Variants in ANO4 observed in about 807,000 individuals in gnomAD.
ANO4 encodes anoctamin-4.
ANO4 carries 69 observed loss-of-function variants against 141.9 expected under a neutral mutation model. That is an observed-to-expected ratio of 0.49 (90% CI 0.40 to 0.59). ANO4 has a LOEUF of 0.59. Among genes scored for constraint, ANO4 ranks in the 20% least tolerant of loss-of-function variants. The probability of loss-of-function intolerance (pLI) is 0.00; values close to 1 mark genes in which losing one functional copy is unlikely to be tolerated. For synonymous variants in ANO4, 350 were observed against 394.3 expected, an observed-to-expected ratio of 0.89 and a Z score of 1.33; for missense variants, 894 against 1,162.2, an observed-to-expected ratio of 0.77 and a Z score of 3.36.
intron 1 of ANO4, among the ~76,000 whole-genome samples, chr12:100,852,161 C>A (rs542713116): frequency 5.1e-4 from 78 of 152,308 alleles, no homozygotes; most frequent in African/African-American, 1.8e-3. Flanking sequence ...TGTCCAGGCA[C>A]AGGGATCCTA....
At chr12:100,748,668 A>G (rs576521273) in intron 3 of ANO4, among the ~76,000 whole-genome samples, 8 of 152,340 alleles carry the variant, frequency 5.3e-5, no homozygotes, top group African/African-American at 1.7e-4. Context: ...AAGTAAAGTG[A>G]TGATTGGCAT....
chr12:100,963,167 T>A (rs750893327), intron 5 of ANO4, among the ~76,000 whole-genome samples: 34 of 152,134 alleles, frequency 2.2e-4, no homozygotes, highest in Non-Finnish European at 3.1e-4. Context: ...CAATGACCAC[T>A]GGCTACACTG....
chr12:100,880,453 G>A (rs904315997), intron 1 of ANO4, among the ~76,000 whole-genome samples: 8 of 152,140 alleles, frequency 5.3e-5, no homozygotes, highest in Non-Finnish European at 8.8e-5. Flanking sequence ...CAAGGTCACC[G>A]AGCAAGTCCA....
intron 2 of ANO4, among the ~76,000 whole-genome samples, chr12:100,739,045 A>ATATATATATCTAAATCTT (rs1278089378): frequency 6.8e-6 from 1 of 146,904 alleles, no homozygotes. Flanking sequence ...CTAAATCTTT[A>ATATATATATCTAAATCTT]TATATATATC....
chr12:101,047,580 A>G (rs1030458886), intron 13 of ANO4, among the ~76,000 whole-genome samples: 8 of 152,170 alleles, frequency 5.3e-5, no homozygotes, highest in Non-Finnish European at 7.4e-5. Flanking sequence ...AGTACCCCCA[A>G]AAAAGGTTAT....
chr12:101,084,702 C>T (rs1257144895), intron 16 of ANO4, among the ~76,000 whole-genome samples: 1 of 152,206 alleles, frequency 6.6e-6, no homozygotes, highest in African/African-American at 2.4e-5. Flanking sequence ...TCTACAGATA[C>T]TGCTTTTAAG....
Position 101,063,745 on chromosome 12 carries a change from C to CTTTTTTT in ANO4, c.1312+15371_1312+15377dup. Among the ~76,000 whole-genome samples the CTTTTTTT allele has an allele frequency of 5.8e-3, 143 of 24,808 alleles. 26 individuals are homozygous for CTTTTTTT. Among genetic ancestry groups the CTTTTTTT allele is most frequent in the African/African-American group, 0.011 (62 of 5,638 alleles). 16.3% of individuals were successfully genotyped at this position (24,808 alleles called of 152,430 possible). On this transcript the variant is annotated intron_variant, in intron 14 of 27. Coordinates refer to ENST00000392977, the MANE Select transcript of ANO4 (RefSeq NM_001286615.2). ...ATGGATGGAAGGTTGTCCAGGTTAT[C>CTTTTTTT]TTTTTTTTTTTTTTTTTTTTTTTTT...
chr12:100,939,391 T>A lies in ANO4; in HGVS notation c.237T>A (p.Leu79=). Residue 79 remains leucine, a synonymous_variant, in exon 4 of 28, where the codon CTT becomes CTA. Transcript: ENST00000392977. ...CTTGCAAAGATGACGATTCTCTTCT[T>A]CACCCTGGAAACCTGACTAGTACTT... ...SSPCKDDDSL[L]HPGNLTSTSD... 1 of 1,613,822 alleles carries A rather than the reference T, an allele frequency of 6.2e-7. No individual in the cohort carries two copies. Among genetic ancestry groups the A allele is most frequent in the South Asian group, 1.1e-5 (1 of 91,060 alleles).
At position 101,014,249 on chromosome 12, in the gene ANO4, A is replaced by G. The variant is rs562475334; in HGVS notation, c.735-5785A>G. On this transcript the variant is annotated intron_variant, in intron 8 of 27. Transcript: ENST00000392977. ...GGACAGTTGGCCACAGGAAGAACCT[A>G]TCAATCAGAGCAAATAAACTCCAGG... Among the ~76,000 whole-genome samples the G allele has an allele frequency of 3.3e-5, 5 of 152,298 alleles. No individual in the cohort carries two copies. The East Asian group carries it at 9.6e-4, about 29-fold the overall frequency.
At chr12:100,796,018 G>A (rs1404353776) in intron 1 of ANO4, among the ~76,000 whole-genome samples, 1 of 147,656 alleles carries the variant, frequency 6.8e-6, no homozygotes, top group African/African-American at 2.5e-5. Context: ...TGCGTTGCAG[G>A]AGTCTCTCTT....
At chr12:100,993,844 T>A (rs780427224) in intron 8 of ANO4, among the ~76,000 whole-genome samples, 8 of 152,182 alleles carry the variant, frequency 5.3e-5, no homozygotes, top group Non-Finnish European at 1.2e-4. Flanking sequence ...AGAAGCAGAT[T>A]TGCCGAATAA....
rs1466553078 is a variant in ANO4 at position 101,115,728 on chromosome 12, A to G, written c.2451-951A>G. ...TTCTAAGAGTGCTACTTGCTATGAT[A>G]CTTTTAAAATGGGCTTTTTCTTGAA... On this transcript the variant is annotated intron_variant, in intron 24 of 27. Coordinates refer to ENST00000392977, the MANE Select transcript of ANO4 (RefSeq NM_001286615.2). Among the ~76,000 whole-genome samples the G allele has an allele frequency of 2.0e-5, 3 of 152,200 alleles. No individual in the cohort carries two copies. The East Asian group carries it at 5.8e-4, about 29-fold the overall frequency.
At chr12:101,120,103 G>A (rs904998299) in intron 25 of ANO4, among the ~76,000 whole-genome samples, 1 of 152,232 alleles carries the variant, frequency 6.6e-6, no homozygotes, top group African/African-American at 2.4e-5. Flanking sequence ...GCAGGATGCT[G>A]CCTCTCTGCT....
At chr12:100,981,842 A>G (rs1399317311) in intron 7 of ANO4, among the ~76,000 whole-genome samples, 6 of 152,130 alleles carry the variant, frequency 3.9e-5, no homozygotes, top group Admixed American at 3.9e-4. Context: ...TCCTTTGCAC[A>G]TATGTGGCCT....
At chr12:100,938,171 C>T (rs2042362332) in intron 3 of ANO4, among the ~76,000 whole-genome samples, 1 of 152,326 alleles carries the variant, frequency 6.6e-6, no homozygotes, top group Non-Finnish European at 1.5e-5. Flanking sequence ...TTGGATATAG[C>T]TTTATACCTG....
Position 100,939,408 on chromosome 12 carries a change from C to G in ANO4, c.254C>G (p.Thr85Ser). ...DDSLLHPGNL[T>S]STSDDASRLE... ...TCTCTTCTTCACCCTGGAAACCTGA[C>G]TAGTACTTCAGATGATGCCAGCAGA... is the stretch of plus-strand genomic sequence containing the variant. Residue 85 changes from threonine to serine, a missense_variant, in exon 4 of 28, where the codon ACT becomes AGT. By Grantham distance (58) the Thr-to-Ser change is moderately conservative. Coordinates refer to ENST00000392977, the MANE Select transcript of ANO4 (RefSeq NM_001286615.2). The G allele has an allele frequency of 6.2e-7, 1 of 1,613,712 alleles. No homozygotes were observed. The highest frequency in any genetic ancestry group is 8.5e-7 in the Non-Finnish European group (1 of 1,179,718).
chr12:100,821,401 A>G (rs974033448), intron 1 of ANO4, among the ~76,000 whole-genome samples: 1 of 152,022 alleles, frequency 6.6e-6, no homozygotes, highest in African/African-American at 2.4e-5. Flanking sequence ...TTCTTAAACT[A>G]TAAAAGCAAT....
At chr12:100,758,591 T>C (rs1488352496) in intron 3 of ANO4, among the ~76,000 whole-genome samples, 1 of 152,174 alleles carries the variant, frequency 6.6e-6, no homozygotes, top group African/African-American at 2.4e-5. Flanking sequence ...CTCTAAAGAA[T>C]TGACAGTGTG....
At chr12:100,988,836 A>G (rs190971151) in intron 8 of ANO4, among the ~76,000 whole-genome samples, 21 of 134,878 alleles carry the variant, frequency 1.6e-4, no homozygotes, top group African/African-American at 5.2e-4. Context: ...GTGCCATTGC[A>G]CTCCAGCCTG....
Sources: gnomAD v4.1 joint callset for allele counts (sites outside exome capture counted in the v4.1 genomes callset) on GRCh38, gnomAD v4.1.1 for gene constraint, MANE v1.5 for transcripts, NCBI Gene and HGNC (gene_info 2026-07-23, HGNC 2026-07-21) for gene names.